RBMS3: variants seen among roughly 807,000 people sequenced by gnomAD.
RBMS3 encodes the protein RNA-binding motif, single-stranded-interacting protein 3.
RBMS3 carries 27 observed loss-of-function variants against 66.8 expected under a neutral mutation model. The ratio of observed to expected loss-of-function variants is 0.40; its 90% CI spans 0.30 to 0.56. The LOEUF (loss-of-function observed/expected upper bound fraction) is 0.56. Among genes scored for constraint, RBMS3 ranks in the 20% least tolerant of loss-of-function variants. RBMS3 has a pLI of 0.40. For synonymous variants in RBMS3, 188 were observed against 183.0 expected, an observed-to-expected ratio of 1.03 and a Z score of -0.22; for missense variants, 513 against 549.5, an observed-to-expected ratio of 0.93 and a Z score of 0.66.
At position 29,339,813 on chromosome 3, in the gene RBMS3, C is replaced by A. The variant is rs2036176441; in HGVS notation, c.75+58057C>A. ...GAAGATTTCAAGGATAATAGAAATG[C>A]CTTGAAAAGAGACGAACTATTGCCT... On this transcript the variant is annotated intron_variant, in intron 1 of 14. Transcript: ENST00000383767. 2.6e-5 allele frequency among the ~76,000 whole-genome samples: 4 copies of A among 152,134 alleles called. No individual in the cohort carries two copies. In the South Asian group the frequency reaches 8.3e-4, roughly 32 times the overall value.
chr3:29,805,964 G>T (rs1437098727), intron 6 of RBMS3, among the ~76,000 whole-genome samples: 1 of 151,920 alleles, frequency 6.6e-6, no homozygotes, highest in African/African-American at 2.4e-5. Flanking sequence ...TGCATTCCTG[G>T]TAAGTACCCT....
At chr3:29,828,947 C>T (rs1183000436) in intron 6 of RBMS3, among the ~76,000 whole-genome samples, 3 of 151,806 alleles carry the variant, frequency 2.0e-5, no homozygotes, top group South Asian at 2.1e-4. Flanking sequence ...AAATGTGTGT[C>T]TTTGGCATCC....
At chr3:29,580,658 G>A (rs2198972) in intron 3 of RBMS3, among the ~76,000 whole-genome samples, 10,945 of 149,600 alleles carry the variant, frequency 0.073, 488 homozygotes, top group African/African-American at 0.14. Flanking sequence ...CTTGTATGTA[G>A]TAGATGCTTA....
intron 2 of RBMS3, among the ~76,000 whole-genome samples, chr3:29,452,813 AT>A (rs964273534): frequency 6.6e-6 from 1 of 152,214 alleles, no homozygotes; most frequent in Non-Finnish European, 1.5e-5. Flanking sequence ...CAAACCAGGA[AT>A]TTTATAATAA....
At chr3:29,779,469 G>GAT (rs1192879200) in intron 6 of RBMS3, among the ~76,000 whole-genome samples, 1 of 151,332 alleles carries the variant, frequency 6.6e-6, no homozygotes, top group East Asian at 1.9e-4. Context: ...AGTGAGATCT[G>GAT]ATAATGCTTT....
chr3:29,669,677 T>G (rs1465952294), intron 4 of RBMS3, among the ~76,000 whole-genome samples: 1 of 152,180 alleles, frequency 6.6e-6, no homozygotes, highest in African/African-American at 2.4e-5. Flanking sequence ...CCATGGGTGA[T>G]TTTTTTCAGC....
intron 4 of RBMS3, among the ~76,000 whole-genome samples, chr3:29,644,838 A>G (rs2049858286): frequency 6.6e-6 from 1 of 152,186 alleles, no homozygotes; most frequent in Non-Finnish European, 1.5e-5. Flanking sequence ...CACTAAGGTC[A>G]CTGATTAAAA....
intron 4 of RBMS3, among the ~76,000 whole-genome samples, chr3:29,606,713 T>C (rs1029763103): frequency 1.2e-4 from 18 of 152,140 alleles, no homozygotes; most frequent in East Asian, 3.9e-4. Flanking sequence ...CACAGCTGTT[T>C]CTGAGTTTTT....
intron 5 of RBMS3, among the ~76,000 whole-genome samples, chr3:29,744,409 C>A (rs1452108212): frequency 6.6e-6 from 1 of 152,126 alleles, no homozygotes; most frequent in Non-Finnish European, 1.5e-5. Flanking sequence ...TTAGAAAAAT[C>A]TGTGGTAGCA....
At chr3:29,610,927 G>A (rs1025002519) in intron 4 of RBMS3, among the ~76,000 whole-genome samples, 1 of 151,244 alleles carries the variant, frequency 6.6e-6, no homozygotes, top group Admixed American at 6.6e-5. Context: ...TTTCCTTAAG[G>A]GAAAAAAAAA....
intron 6 of RBMS3, among the ~76,000 whole-genome samples, chr3:29,786,167 C>A (rs1431493725): frequency 6.7e-6 from 1 of 148,272 alleles, no homozygotes; most frequent in Non-Finnish European, 1.5e-5. Flanking sequence ...AGCTACAAAA[C>A]ACTGCTGAAA....
At chr3:29,291,657 A>G (rs1348142637) in intron 1 of RBMS3, among the ~76,000 whole-genome samples, 2 of 151,850 alleles carry the variant, frequency 1.3e-5, no homozygotes. Context: ...AAATAGGGTC[A>G]TAGGTTTTTT....
chr3:29,660,334 G>A (rs1184103738), intron 4 of RBMS3, among the ~76,000 whole-genome samples: 2 of 152,032 alleles, frequency 1.3e-5, no homozygotes, highest in African/African-American at 2.4e-5. Context: ...AGTCTATTTA[G>A]TCTGAGAGTG....
chr3:29,299,116 A>C (rs1575493761), intron 1 of RBMS3, among the ~76,000 whole-genome samples: 1 of 151,958 alleles, frequency 6.6e-6, no homozygotes, highest in Non-Finnish European at 1.5e-5. Flanking sequence ...GGGAGAAGAC[A>C]GTCTTGGGCC....
At chr3:29,869,669 T>C (rs2059443748) in intron 7 of RBMS3, among the ~76,000 whole-genome samples, 1 of 152,166 alleles carries the variant, frequency 6.6e-6, no homozygotes, top group Non-Finnish European at 1.5e-5. Context: ...GTTCTTTTTG[T>C]TACTTTTTTG....
chr3:29,479,021 G>C (rs1470236402), intron 2 of RBMS3, among the ~76,000 whole-genome samples: 1 of 152,038 alleles, frequency 6.6e-6, no homozygotes, highest in African/African-American at 2.4e-5. Context: ...AATTTTATCT[G>C]AGCTTATTCA....
intron 4 of RBMS3, among the ~76,000 whole-genome samples, chr3:29,720,241 T>G (rs2053585853): frequency 6.6e-6 from 1 of 152,212 alleles, no homozygotes; most frequent in Non-Finnish European, 1.5e-5. Flanking sequence ...GTAGTACTTT[T>G]TAGTAAAACT....
intron 12 of RBMS3, among the ~76,000 whole-genome samples, chr3:29,979,617 T>A (rs372623173): frequency 1.7e-3 from 257 of 152,290 alleles, no homozygotes; most frequent in African/African-American, 5.2e-3. Context: ...CTGCAGTGTG[T>A]GATGTTCCCC....
intron 3 of RBMS3, among the ~76,000 whole-genome samples, chr3:29,569,998 T>C (rs2046892034): frequency 1.4e-5 from 2 of 143,222 alleles, no homozygotes; most frequent in Non-Finnish European, 3.1e-5. Flanking sequence ...AAAAATCAGA[T>C]GTTAAAATTG....
Sources: gnomAD v4.1 joint callset for allele counts (sites outside exome capture counted in the v4.1 genomes callset) on GRCh38, gnomAD v4.1.1 for gene constraint, MANE v1.5 for transcripts, NCBI Gene and HGNC (gene_info 2026-07-23, HGNC 2026-07-21) for gene names.